BCAR3: variants seen among roughly 807,000 people sequenced by gnomAD.
The protein encoded by BCAR3 is breast cancer anti-estrogen resistance protein 3.
BCAR3 carries 37 observed loss-of-function variants against 80.1 expected under a neutral mutation model. The observed-to-expected ratio is 0.46, with a 90% confidence interval of 0.36 to 0.61. The LOEUF (loss-of-function observed/expected upper bound fraction) is 0.61. Among genes scored for constraint, BCAR3 ranks in the 20% least tolerant of loss-of-function variants. BCAR3 has a pLI of 0.00. For synonymous variants in BCAR3, 389 were observed against 418.9 expected, an observed-to-expected ratio of 0.93 and a Z score of 0.87; for missense variants, 978 against 1,068.2, an observed-to-expected ratio of 0.92 and a Z score of 1.18.
chr1:93,758,919 G>A (rs934638121), intron 2 of BCAR3, among the ~76,000 whole-genome samples: 2 of 152,190 alleles, frequency 1.3e-5, no homozygotes, highest in African/African-American at 2.4e-5. Context: ...GCCATCAGGG[G>A]GCTGGTTGGC....
rs74101679 is a variant in BCAR3 at position 93,730,068 on chromosome 1, T to C, written c.-62-23926A>G. On this transcript the variant is annotated intron_variant, in intron 2 of 13. Transcript: ENST00000370244. ...ACTATTCCATATGACTAAATTATCA[T>C]GTGATTTTTTTCCCAGGAAGCAGTT... 3.2e-3 allele frequency among the ~76,000 whole-genome samples: 494 copies of C among 152,320 alleles called. 1 individual carries two copies. Among genetic ancestry groups the C allele is most frequent in the African/African-American group, 0.011 (465 of 41,572 alleles).
chr1:93,758,142 G>A (rs1651808119), intron 2 of BCAR3, among the ~76,000 whole-genome samples: 1 of 152,152 alleles, frequency 6.6e-6, no homozygotes, highest in South Asian at 2.1e-4. Flanking sequence ...TCAGCAGGCA[G>A]CACTCCCGAA....
intron 11 of BCAR3, 67 bp from the exon 12 acceptor site, chr1:93,562,486 A>G (rs1672726892): frequency 1.3e-6 from 2 of 1,513,584 alleles, no homozygotes; most frequent in Non-Finnish European, 1.8e-6. Flanking sequence ...ATAGACTGAA[A>G]GCACCAGGCG....
At chr1:93,625,502 T>C (rs546672659) in intron 3 of BCAR3, among the ~76,000 whole-genome samples, 1 of 152,294 alleles carries the variant, frequency 6.6e-6, no homozygotes, top group Admixed American at 6.5e-5. Flanking sequence ...GGCTGAAGAC[T>C]GGTGGTCACA....
rs1028983762 is a variant in BCAR3, at chr1:93,715,199, C to T, written c.-62-9057G>A. Among the ~76,000 whole-genome samples the T allele has an allele frequency of 3.3e-5, 5 of 152,236 alleles. 1 individual carries two copies. The highest frequency in any genetic ancestry group is 1.2e-4 in the African/African-American group (5 of 41,458). On this transcript the variant is annotated intron_variant, in intron 2 of 13. Coordinates refer to the BCAR3 transcript ENST00000370244. ...TTCCTGGCTCAACTTCTAGAGCAAA[C>T]ACTGATGTCTGGCAGTTCATCACCC...
chr1:93,662,857 G>C (rs961041041), intron 2 of BCAR3, among the ~76,000 whole-genome samples: 1 of 152,070 alleles, frequency 6.6e-6, no homozygotes, highest in Non-Finnish European at 1.5e-5. Flanking sequence ...TCCTGAGATC[G>C]ATGTCAAGCT....
At chr1:93,777,366 T>TTCC (rs1168565738) in intron 2 of BCAR3, among the ~76,000 whole-genome samples, 11 of 145,440 alleles carry the variant, frequency 7.6e-5, no homozygotes, top group African/African-American at 2.6e-4. Context: ...CCTCCTCTTC[T>TTCC]TCTTCTTCCT....
At chr1:93,567,134 A>ATAAC in intron 11 of BCAR3, 145 bp downstream of exon 11, 1 of 982,142 alleles carries the variant, frequency 1.0e-6, no homozygotes, top group Non-Finnish European at 1.5e-6. Context: ...AGAGGAAGTA[A>ATAAC]TAACTAGCCA....
At position 93,653,726 on chromosome 1, in the gene BCAR3, C is replaced by T. The variant is rs181160346; in HGVS notation, c.318-11383G>A. 2.3e-3 allele frequency among the ~76,000 whole-genome samples: 349 copies of T among 152,316 alleles called. 2 individuals are homozygous for T. Among genetic ancestry groups the T allele is most frequent in the African/African-American group, 8.1e-3 (338 of 41,564 alleles). On this transcript the variant is annotated intron_variant, in intron 2 of 11. Coordinates refer to ENST00000260502, the MANE Select transcript of BCAR3 (RefSeq NM_003567.4). ...GTGGGAAACACTGTGGAGAGGCCTC[C>T]AGGCAGCATCTGAGCTAGGTTTGGA...
intron 11 of BCAR3, among the ~76,000 whole-genome samples, chr1:93,565,789 C>T (rs1672923208): frequency 6.6e-6 from 1 of 152,174 alleles, no homozygotes; most frequent in South Asian, 2.1e-4. Context: ...CGACTAAGTC[C>T]CACATCTGGT....
At chr1:93,653,023 G>A (rs1647203907) in intron 2 of BCAR3, among the ~76,000 whole-genome samples, 1 of 152,128 alleles carries the variant, frequency 6.6e-6, no homozygotes, top group South Asian at 2.1e-4. Flanking sequence ...AAGGACACTT[G>A]ATCTGTAAGT....
At chr1:93,578,024 G>A (rs1673527039) in intron 7 of BCAR3, among the ~76,000 whole-genome samples, 1 of 152,224 alleles carries the variant, frequency 6.6e-6, no homozygotes, top group African/African-American at 2.4e-5. Context: ...CTGACACAAA[G>A]GAAGGACAAA....
intron 2 of BCAR3, among the ~76,000 whole-genome samples, chr1:93,666,035 T>G (rs759353219): frequency 4.8e-4 from 73 of 152,236 alleles, no homozygotes; most frequent in Non-Finnish European, 8.8e-4. Context: ...ACCTGCTCCC[T>G]GTACTTTTAC....
At chr1:93,768,999 C>T (rs1050995408) in intron 2 of BCAR3, among the ~76,000 whole-genome samples, 2 of 152,206 alleles carry the variant, frequency 1.3e-5, no homozygotes, top group African/African-American at 4.8e-5. Flanking sequence ...ATCTGAGTGT[C>T]GCCCTTTGTC....
At chr1:93,714,056 C>T (rs1435479116) in intron 2 of BCAR3, among the ~76,000 whole-genome samples, 2 of 152,156 alleles carry the variant, frequency 1.3e-5, no homozygotes, top group Non-Finnish European at 2.9e-5. Flanking sequence ...GATCTCAGCT[C>T]ACTGCAAGCT....
rs183053989 is a variant in BCAR3 at position 93,586,225 on chromosome 1, C to T, written c.930-2104G>A. Among the ~76,000 whole-genome samples the T allele has an allele frequency of 6.6e-6, 1 of 152,244 alleles. No individual in the cohort carries two copies. The highest frequency in any genetic ancestry group is 1.9e-4 in the East Asian group (1 of 5,186). On this transcript the variant is annotated intron_variant, in intron 5 of 11. Coordinates refer to ENST00000260502, the MANE Select transcript of BCAR3 (RefSeq NM_003567.4). This position sits in a 1 kb window ranked among gnomAD's most constrained non-coding sequence, Gnocchi z 4.2. The stretch of plus-strand genomic sequence containing the variant: ...CCCACCCACTACTACCCTTCCCAGG[C>T]TCTGCTAACCATCCTTCTACTCTCT...
chr1:93,578,976 G>C (rs964397317), intron 7 of BCAR3, among the ~76,000 whole-genome samples: 5 of 152,228 alleles, frequency 3.3e-5, no homozygotes, highest in African/African-American at 1.2e-4. Flanking sequence ...GGCAGAGGCA[G>C]GATTCAGGCT....
At chr1:93,799,313 G>A (rs756271370) in intron 2 of BCAR3, among the ~76,000 whole-genome samples, 20 of 152,178 alleles carry the variant, frequency 1.3e-4, no homozygotes, top group Non-Finnish European at 2.8e-4. Flanking sequence ...AGGCGCCCTT[G>A]TAAGATTTTC....
intron 3 of BCAR3, among the ~76,000 whole-genome samples, chr1:93,688,768 T>TTTTG (rs762997783): frequency 1.5e-5 from 2 of 129,470 alleles, no homozygotes; most frequent in Non-Finnish European, 3.1e-5. Context: ...GCTAAGGTTT[T>TTTTG]TTTGTTTGTT....
Sources: allele counts gnomAD v4.1 joint callset (sites outside exome capture counted in the v4.1 genomes callset), GRCh38; gene constraint gnomAD v4.1.1; non-coding constraint Gnocchi (gnomAD v3.1); transcripts MANE v1.5; gene names NCBI Gene and HGNC (gene_info 2026-07-23, HGNC 2026-07-21).